INSL6: variants seen among roughly 807,000 people sequenced by gnomAD.
INSL6 encodes the protein insulin-like peptide INSL6.
Under a neutral mutation model 9.4 loss-of-function variants are expected in INSL6, and 16 were observed. The ratio of observed to expected loss-of-function variants is 1.70; its 90% CI spans 1.15 to 2.59. INSL6 has a LOEUF of 2.59. Among genes scored for constraint, INSL6 ranks in the 30% most tolerant of loss-of-function variants. INSL6 has a pLI of 0.00. For synonymous variants in INSL6, 154 were observed against 96.9 expected (o/e 1.59, Z -3.46); for missense variants, 391 against 257.3 (o/e 1.52, Z -3.56).
chr9:5,168,224 G>C (rs1164651652), intron 1 of INSL6, among the ~76,000 whole-genome samples: 2 of 152,170 alleles, frequency 1.3e-5, no homozygotes, highest in East Asian at 1.9e-4. Flanking sequence ...CTGAGTCAGA[G>C]ATAGATAAAT....
intron 2 of INSL6, among the ~76,000 whole-genome samples, chr9:5,145,071 A>T (rs1824574466): frequency 6.6e-6 from 1 of 152,160 alleles, no homozygotes; most frequent in South Asian, 2.1e-4. Flanking sequence ...TGGTCTGTAT[A>T]CTTCAATGTG....
chr9:5,133,452 G>C (rs1312662165), exon 3 of INSL6: 1 of 152,390 alleles, frequency 6.6e-6, no homozygotes, highest in Non-Finnish European at 1.5e-5. Flanking sequence ...GGAAAGCTCT[G>C]GCTGGCATCT....
At chr9:5,163,717 A>C (rs1367074859), downstream of INSL6, 1 of 539,300 alleles carries the variant, frequency 1.9e-6, no homozygotes, top group Non-Finnish European at 3.3e-6. Context: ...CAAAAAGCGT[A>C]TGAAAACTAA....
the INSL6 span, among the ~76,000 whole-genome samples, chr9:5,032,678 A>T: frequency 3.3e-5 from 5 of 152,332 alleles, no homozygotes; most frequent in East Asian, 1.9e-4. Context: ...GACCTGCAGC[A>T]GAGGGTCCTG....
At chr9:5,041,366 A>G in the INSL6 span, 2 of 621,608 alleles carry the variant, frequency 3.2e-6, no homozygotes, top group African/African-American at 1.8e-5. Context: ...GAGCATCAAC[A>G]TGCACCTGGG....
At chr9:5,168,605 A>G (rs950090554) in intron 1 of INSL6, among the ~76,000 whole-genome samples, 2 of 152,170 alleles carry the variant, frequency 1.3e-5, no homozygotes, top group Non-Finnish European at 2.9e-5. Context: ...CCTATGACTA[A>G]TAGGGGCACC....
the INSL6 span, among the ~76,000 whole-genome samples, chr9:5,118,136 G>A: frequency 6.6e-6 from 1 of 152,176 alleles, no homozygotes; most frequent in Non-Finnish European, 1.5e-5. Flanking sequence ...ACTCCAGCCT[G>A]GGCGACAGAG....
chr9:5,053,185 T>C, the INSL6 span, among the ~76,000 whole-genome samples: 1 of 152,106 alleles, frequency 6.6e-6, no homozygotes, highest in Non-Finnish European at 1.5e-5. Context: ...GTGGAAGTGC[T>C]GTCTCATTCT....
chr9:5,147,264 G>T (rs112900837), intron 2 of INSL6, among the ~76,000 whole-genome samples: 3 of 152,196 alleles, frequency 2.0e-5, no homozygotes, highest in African/African-American at 7.2e-5. Flanking sequence ...TTCCCTGTTT[G>T]ATGACAAGCA....
the INSL6 span, among the ~76,000 whole-genome samples, chr9:5,058,883 G>GT: frequency 2.0e-4 from 31 of 151,526 alleles, no homozygotes; most frequent in African/African-American, 3.9e-4. Context: ...TTTTAATCAG[G>GT]TTTTTTTTGC....
chr9:5,176,635 T>C (rs984201268), intron 1 of INSL6, among the ~76,000 whole-genome samples: 4 of 151,690 alleles, frequency 2.6e-5, no homozygotes, highest in East Asian at 3.9e-4. Flanking sequence ...GAAGATTATA[T>C]AGCATAAACC....
the INSL6 span, among the ~76,000 whole-genome samples, chr9:5,036,102 G>A: frequency 6.6e-6 from 1 of 152,166 alleles, no homozygotes; most frequent in African/African-American, 2.4e-5. Flanking sequence ...CAAACAGAGA[G>A]CCAAATCATG....
chr9:5,156,026 T>C (rs1239360788), intron 2 of INSL6, among the ~76,000 whole-genome samples: 2 of 152,064 alleles, frequency 1.3e-5, no homozygotes, highest in African/African-American at 2.4e-5. Context: ...AAAAAAGGAT[T>C]AGCATTTATA....
At chr9:5,148,893 C>T (rs970732283) in intron 2 of INSL6, among the ~76,000 whole-genome samples, 2 of 152,166 alleles carry the variant, frequency 1.3e-5, no homozygotes, top group African/African-American at 4.8e-5. Flanking sequence ...TCCTACAGGG[C>T]AGCCTGGCAG....
At chr9:5,050,936 G>GT in the INSL6 span, 13 of 900,930 alleles carry the variant, frequency 1.4e-5, 1 homozygote, top group South Asian at 1.5e-4. Flanking sequence ...TGTAATACTA[G>GT]TTAAGTACTC....
chr9:5,027,304 A>G, the INSL6 span, among the ~76,000 whole-genome samples: 1 of 152,272 alleles, frequency 6.6e-6, no homozygotes, highest in Non-Finnish European at 1.5e-5. Flanking sequence ...CCCAGTGCAT[A>G]TAAAAGTTAT....
the INSL6 span, chr9:5,077,315 T>G: frequency 1.0e-5 from 3 of 299,692 alleles, no homozygotes; most frequent in Non-Finnish European, 1.8e-5. Flanking sequence ...ATCCATTAAG[T>G]TTTCTTTAAA....
At chr9:5,040,408 A>C in the INSL6 span, among the ~76,000 whole-genome samples, 1 of 152,242 alleles carries the variant, frequency 6.6e-6, no homozygotes. Flanking sequence ...GGTTTCTTAG[A>C]TATGACACCA....
the INSL6 span, among the ~76,000 whole-genome samples, chr9:5,036,054 TG>T: frequency 6.6e-6 from 1 of 152,190 alleles, no homozygotes; most frequent in Admixed American, 6.5e-5. Flanking sequence ...AAAATCAATG[TG>T]CAAAAATCAC....
Sources: gnomAD v4.1 joint callset for allele counts (sites outside exome capture counted in the v4.1 genomes callset) on GRCh38, gnomAD v4.1.1 for gene constraint, MANE v1.5 for transcripts, NCBI Gene and HGNC (gene_info 2026-07-23, HGNC 2026-07-21) for gene names.